Variants in ASIC2 observed in about 807,000 individuals in gnomAD.
ASIC2 encodes the protein acid-sensing ion channel 2.
In ASIC2, 25 loss-of-function variants were observed where a neutral mutation model predicts 57.3. That is an observed-to-expected ratio of 0.44 (90% CI 0.32 to 0.61). The LOEUF is 0.61. Among genes scored for constraint, ASIC2 ranks in the 20% least tolerant of loss-of-function variants. The probability of loss-of-function intolerance (pLI) is 0.06; values close to 1 mark genes in which losing one functional copy is unlikely to be tolerated. For missense variants in ASIC2, 641 were observed against 738.1 expected (o/e 0.87, Z 1.52); for synonymous variants, 319 against 307.5 (o/e 1.04, Z -0.39).
At chr17:33,405,240 C>A (rs1910426743) in intron 1 of ASIC2, among the ~76,000 whole-genome samples, 1 of 152,080 alleles carries the variant, frequency 6.6e-6, no homozygotes, top group Admixed American at 6.5e-5. Flanking sequence ...ATATGGGAAT[C>A]ATTGCAAATA....
At chr17:33,630,414 G>C (rs1043895758) in intron 1 of ASIC2, among the ~76,000 whole-genome samples, 2 of 152,062 alleles carry the variant, frequency 1.3e-5, no homozygotes, top group African/African-American at 4.8e-5. Context: ...ACTCCATAAA[G>C]CCTTTCCTGC....
At chr17:33,829,210 C>A (rs1335442901) in intron 1 of ASIC2, among the ~76,000 whole-genome samples, 1 of 152,184 alleles carries the variant, frequency 6.6e-6, no homozygotes, top group Admixed American at 6.5e-5. Context: ...GAGATCCACC[C>A]TTAGTCGTGG....
chr17:33,685,167 GA>G (rs1472255657), intron 1 of ASIC2, among the ~76,000 whole-genome samples: 1 of 152,166 alleles, frequency 6.6e-6, no homozygotes, highest in Non-Finnish European at 1.5e-5. Flanking sequence ...ATGGAGGTCA[GA>G]TTTCCCCCCT....
chr17:33,788,271 A>T (rs1422033218), intron 1 of ASIC2, among the ~76,000 whole-genome samples: 4 of 152,324 alleles, frequency 2.6e-5, no homozygotes, highest in African/African-American at 7.2e-5. Flanking sequence ...TTCTCAAAAG[A>T]AGACATTTAC....
chr17:33,411,522 G>A (rs1444207632), intron 1 of ASIC2, among the ~76,000 whole-genome samples: 6 of 152,196 alleles, frequency 3.9e-5, no homozygotes, highest in African/African-American at 1.4e-4. Context: ...TTTGGAGGAA[G>A]AGAAGCTGGC....
chr17:33,762,626 T>A (rs1910819708), intron 1 of ASIC2, among the ~76,000 whole-genome samples: 1 of 152,174 alleles, frequency 6.6e-6, no homozygotes, highest in Non-Finnish European at 1.5e-5. Flanking sequence ...CCTTACTAAG[T>A]GGACACATGA....
At chr17:33,726,512 A>G (rs543459291) in intron 1 of ASIC2, among the ~76,000 whole-genome samples, 2 of 152,310 alleles carry the variant, frequency 1.3e-5, no homozygotes, top group East Asian at 3.9e-4. Context: ...CAGCACCACA[A>G]GGCAGCCTGC....
intron 1 of ASIC2, among the ~76,000 whole-genome samples, chr17:33,330,160 C>T (rs139531539): frequency 1.3e-5 from 2 of 152,314 alleles, no homozygotes; most frequent in African/African-American, 4.8e-5. Context: ...TACTCTCCTG[C>T]TGCTGAAGTC....
At chr17:33,983,871 C>A (rs1260715955) in intron 1 of ASIC2, among the ~76,000 whole-genome samples, 1 of 152,152 alleles carries the variant, frequency 6.6e-6, no homozygotes, top group African/African-American at 2.4e-5. Context: ...TTCTACAATG[C>A]ACAGGATACT....
intron 1 of ASIC2, among the ~76,000 whole-genome samples, chr17:33,538,736 T>C (rs1049101906): frequency 2.0e-5 from 3 of 152,186 alleles, no homozygotes; most frequent in Non-Finnish European, 2.9e-5. Flanking sequence ...ATGGAATTAA[T>C]TCAAGGGCAG....
intron 1 of ASIC2, chr17:34,000,730 T>A (rs543953841): frequency 7.2e-5 from 11 of 152,352 alleles, no homozygotes; most frequent in Admixed American, 7.2e-4. Flanking sequence ...ATTTGCTTGA[T>A]GGTATCCCCC....
chr17:34,086,757 C>T (rs1254396087), intron 1 of ASIC2, among the ~76,000 whole-genome samples: 1 of 152,198 alleles, frequency 6.6e-6, no homozygotes, highest in Non-Finnish European at 1.5e-5. Context: ...GGATAGTTAG[C>T]TCTTCTTGTT....
rs117384110 is a variant in ASIC2 at position 33,201,226 on chromosome 17, T to G, written c.709-89159A>C. Among the ~76,000 whole-genome samples, 939 of 152,360 alleles carry G rather than the reference T, an allele frequency of 6.2e-3. 5 individuals carry two copies. Among genetic ancestry groups the G allele is most frequent in the Non-Finnish European group, 0.01 (703 of 68,028 alleles). ...GGATTTTGATCTGTGTGTTAAGTTC[T>G]GTGTCCTCTGTTCCTACAGCAGTGC... is the stretch of plus-strand genomic sequence containing the variant. On this transcript the variant is annotated intron_variant, in intron 1 of 9. Coordinates refer to ENST00000225823, the MANE Select transcript of ASIC2 (RefSeq NM_183377.2).
intron 1 of ASIC2, among the ~76,000 whole-genome samples, chr17:34,055,485 C>G (rs1314736021): frequency 6.6e-6 from 1 of 152,102 alleles, no homozygotes; most frequent in Non-Finnish European, 1.5e-5. Context: ...ACAAATGAAA[C>G]TCCGATTGTT....
intron 1 of ASIC2, among the ~76,000 whole-genome samples, chr17:33,799,451 T>TTCC (rs1485064246): frequency 9.9e-6 from 1 of 100,592 alleles, no homozygotes; most frequent in Non-Finnish European, 2.2e-5. Flanking sequence ...TCTTTCTTTC[T>TTCC]TTCTTTCTTT....
intron 1 of ASIC2, among the ~76,000 whole-genome samples, chr17:33,844,368 T>A (rs1414268470): frequency 6.6e-6 from 1 of 152,156 alleles, no homozygotes; most frequent in African/African-American, 2.4e-5. Flanking sequence ...CAACACTGGA[T>A]GGGATGGAGT....
chr17:33,459,123 C>G (rs1403195398), intron 1 of ASIC2, among the ~76,000 whole-genome samples: 1 of 151,656 alleles, frequency 6.6e-6, no homozygotes, highest in Non-Finnish European at 1.5e-5. Context: ...ACCCAGAGGC[C>G]CCACCATTAC....
chr17:34,125,717 T>C (rs1911760392), intron 1 of ASIC2, among the ~76,000 whole-genome samples: 1 of 152,178 alleles, frequency 6.6e-6, no homozygotes, highest in African/African-American at 2.4e-5. Context: ...AACATGATTA[T>C]ATGAATTGCC....
chr17:33,136,635 T>A (rs757647948), intron 1 of ASIC2, among the ~76,000 whole-genome samples: 1 of 152,234 alleles, frequency 6.6e-6, no homozygotes, highest in Non-Finnish European at 1.5e-5. Context: ...ATTAAAGTTG[T>A]CAGTGGTATC....
Sources: allele counts gnomAD v4.1 joint callset (sites outside exome capture counted in the v4.1 genomes callset), GRCh38; gene constraint gnomAD v4.1.1; transcripts MANE v1.5; gene names NCBI Gene and HGNC (gene_info 2026-07-23, HGNC 2026-07-21).